Variants in ABLIM2 observed in about 807,000 individuals in gnomAD.
ABLIM2 encodes the protein actin-binding LIM protein 2.
ABLIM2 carries 53 observed loss-of-function variants against 97.7 expected under a neutral mutation model. The observed-to-expected ratio is 0.54, with a 90% CI of 0.44 to 0.68. The LOEUF (loss-of-function observed/expected upper bound fraction) is 0.68. Ranked by LOEUF, ABLIM2 falls within the 30% of genes least tolerant of loss-of-function variation. The pLI is 0.00. For synonymous variants in ABLIM2, 361 were observed against 345.8 expected (o/e 1.04, Z -0.49); for missense variants, 835 against 867.2 (o/e 0.96, Z 0.47).
At chr4:7,976,778 CAT>C (rs940465928) in intron 20 of ABLIM2, among the ~76,000 whole-genome samples, 1 of 152,072 alleles carries the variant, frequency 6.6e-6, no homozygotes, top group African/African-American at 2.4e-5. Flanking sequence ...CACATATACA[CAT>C]ACACACAAGT....
At chr4:8,063,096 C>T (rs564145071) in intron 6 of ABLIM2, among the ~76,000 whole-genome samples, 18 of 152,284 alleles carry the variant, frequency 1.2e-4, no homozygotes, top group South Asian at 2.1e-4. Flanking sequence ...GACAGAGTCT[C>T]GCTCTGTTGC....
chr4:8,025,676 G>A (rs6833644), intron 12 of ABLIM2, among the ~76,000 whole-genome samples: 27,238 of 152,130 alleles, frequency 0.18, 2,553 homozygotes, highest in East Asian at 0.3. Context: ...CTGGCTCTAG[G>A]ACCCACAGAG....
At position 8,067,884 on chromosome 4, in the gene ABLIM2, G is replaced by A. The variant is rs1254565087; in HGVS notation, c.676-6830C>T. The stretch of plus-strand genomic sequence containing the variant: ...CCTCTCAGGCTGGGGTAGTATAACC[G>A]GGCTCTGTGATTCCAGAGGACATTT... On this transcript the variant is annotated intron_variant, in intron 6 of 20. Coordinates refer to ENST00000447017, the MANE Select transcript of ABLIM2 (RefSeq NM_001130083.2). This position sits in a 1 kb window ranked among gnomAD's most constrained non-coding sequence, Gnocchi z 5.4. Among the ~76,000 whole-genome samples, 1 of 152,176 alleles carries A rather than the reference G, an allele frequency of 6.6e-6. No homozygotes were observed. The highest frequency in any genetic ancestry group is 1.5e-5 in the Non-Finnish European group (1 of 68,022).
At chr4:7,974,583 C>T (rs1203397540) in intron 20 of ABLIM2, among the ~76,000 whole-genome samples, 1 of 2,656 alleles carries the variant, frequency 3.8e-4, no homozygotes, top group Admixed American at 3.4e-3. Context: ...ATCCACCAAT[C>T]CATCCATCCA....
intron 1 of ABLIM2, among the ~76,000 whole-genome samples, chr4:8,156,852 C>G (rs1053102851): frequency 3.3e-5 from 5 of 152,246 alleles, no homozygotes; most frequent in African/African-American, 9.6e-5. Flanking sequence ...TGCTCTCCCC[C>G]ACTGTGTGGG....
Position 8,149,321 on chromosome 4 carries a change from A to G in ABLIM2, c.10+9359T>C, listed in dbSNP as rs1309181647. Among the ~76,000 whole-genome samples the G allele has an allele frequency of 6.6e-6, 1 of 152,128 alleles. No individual in the cohort carries two copies. Among genetic ancestry groups the G allele is most frequent in the African/African-American group, 2.4e-5 (1 of 41,436 alleles). Reference sequence around the variant, plus strand: ...AACAGTCATTTTGCCGCATGAGGTCACATAGTCACAGGGCCTGGGATTAGG... The same window carrying G: ...AACAGTCATTTTGCCGCATGAGGTCGCATAGTCACAGGGCCTGGGATTAGG... On this transcript the variant is annotated intron_variant, in intron 1 of 20. Coordinates refer to ENST00000447017, the MANE Select transcript of ABLIM2 (RefSeq NM_001130083.2). The surrounding 1 kb of genome is among the most constrained non-coding windows in gnomAD (Gnocchi z 6.4).
At chr4:8,062,346 G>A (rs530025222) in intron 6 of ABLIM2, among the ~76,000 whole-genome samples, 11 of 152,320 alleles carry the variant, frequency 7.2e-5, no homozygotes, top group African/African-American at 2.4e-4. Context: ...CTGGATAGCA[G>A]GTCACACCAC....
Position 8,120,726 on chromosome 4 carries a change from C to T in ABLIM2, c.11-14089G>A, listed in dbSNP as rs1301352779. On this transcript the variant is annotated intron_variant, in intron 1 of 20. Transcript: ENST00000447017. This position sits in a 1 kb window ranked among gnomAD's most constrained non-coding sequence, Gnocchi z 5.6. ...CAGTGCAGGTCCGTCCTGATGAACC[C>T]GGGGCAAGCTCGTGACATCACTAAG... Among the ~76,000 whole-genome samples the T allele has an allele frequency of 3.3e-5, 5 of 152,174 alleles. No individual in the cohort carries two copies. The highest frequency in any genetic ancestry group is 7.2e-5 in the African/African-American group (3 of 41,448).
chr4:7,986,345 C>T lies in ABLIM2; in HGVS notation c.1681-1452G>A, dbSNP rs1026524980. On this transcript the variant is annotated intron_variant, in intron 17 of 20. Coordinates refer to ENST00000447017, the MANE Select transcript of ABLIM2 (RefSeq NM_001130083.2). This position sits in a 1 kb window ranked among gnomAD's most constrained non-coding sequence, Gnocchi z 4.3. ...CGAGTCCAAAGCCCTTTATCTGAAA[C>T]AGGAAAACCGAGGCCCCGAGGGAAG... 2.6e-5 allele frequency among the ~76,000 whole-genome samples: 4 copies of T among 152,298 alleles called. No individual in the cohort carries two copies. In the East Asian group the frequency reaches 7.7e-4, roughly 29 times the overall value.
intron 1 of ABLIM2, among the ~76,000 whole-genome samples, chr4:8,117,886 G>A (rs1843496890): frequency 1.3e-5 from 2 of 152,214 alleles, no homozygotes; most frequent in African/African-American, 2.4e-5. Context: ...GAGATGATGG[G>A]TTGTCCCCAC....
At chr4:7,974,049 C>G (rs1168716409) in intron 20 of ABLIM2, among the ~76,000 whole-genome samples, 1 of 152,224 alleles carries the variant, frequency 6.6e-6, no homozygotes, top group Non-Finnish European at 1.5e-5. Context: ...AATATCAACT[C>G]CTGCCTGAGT....
intron 14 of ABLIM2, among the ~76,000 whole-genome samples, chr4:8,013,927 C>T (rs561156845): frequency 6.0e-4 from 92 of 152,308 alleles, no homozygotes; most frequent in African/African-American, 2.2e-3. Flanking sequence ...AAGAGAGGGC[C>T]CTACCAGCTC....
intron 20 of ABLIM2, among the ~76,000 whole-genome samples, chr4:7,969,280 T>C (rs1399790029): frequency 6.6e-6 from 1 of 151,960 alleles, no homozygotes; most frequent in Non-Finnish European, 1.5e-5. Context: ...ATGGTGAGAC[T>C]CCATCTCTAC....
chr4:8,004,437 T>G lies in ABLIM2; in HGVS notation c.1618+3622A>C, dbSNP rs145326959. 6.6e-6 allele frequency among the ~76,000 whole-genome samples: 1 copy of G among 152,134 alleles called. No individual in the cohort carries two copies. ...CACCTCTCACACATGCCTCATGTGCTGGGATTGGAGGAAAGGGTCTTATTC... is the reference window on the plus strand; with the variant it reads ...CACCTCTCACACATGCCTCATGTGCGGGGATTGGAGGAAAGGGTCTTATTC... On this transcript the variant is annotated intron_variant, in intron 16 of 20. Transcript: ENST00000447017. The surrounding 1 kb of genome is among the most constrained non-coding windows in gnomAD (Gnocchi z 5.9).
chr4:8,056,931 CAAAAAAA>C (rs10584281), intron 7 of ABLIM2, among the ~76,000 whole-genome samples: 46 of 43,126 alleles, frequency 1.1e-3, no homozygotes, highest in African/African-American at 4.6e-3. Context: ...AACTCCGTCT[CAAAAAAA>C]AAAAAAAAAA....
In ABLIM2 at chr4:8,149,624, C is replaced by T. The variant is rs569069666; in HGVS notation, c.10+9056G>A. 1.1e-4 allele frequency among the ~76,000 whole-genome samples: 16 copies of T among 151,804 alleles called. No homozygotes were observed. The highest frequency in any genetic ancestry group is 4.2e-4 in the South Asian group (2 of 4,792). On this transcript the variant is annotated intron_variant, in intron 1 of 20. Transcript: ENST00000447017. This position sits in a 1 kb window ranked among gnomAD's most constrained non-coding sequence, Gnocchi z 6.4. The stretch of plus-strand genomic sequence containing the variant: ...CAGGGGAGCGGGGGCAGGCAGAAGG[C>T]GGCAGGAAGAATGCAAGGCTGTTGG...
Position 8,066,432 on chromosome 4 carries a change from A to G in ABLIM2, c.676-5378T>C, listed in dbSNP as rs182559197. 621 of 135,516 alleles carry G rather than the reference A, an allele frequency of 4.6e-3. 8 individuals carry two copies. Among genetic ancestry groups the G allele is most frequent in the African/African-American group, 0.016 (590 of 36,438 alleles). The allele number at this position is 135,516 out of a possible 1,614,324, so 8.4% of individuals were successfully genotyped here. A position where few individuals can be genotyped will look rare whatever the true frequency, so the allele number is the denominator to read the frequency against. On this transcript the variant is annotated intron_variant, in intron 6 of 20. Coordinates refer to ENST00000447017, the MANE Select transcript of ABLIM2 (RefSeq NM_001130083.2). ...AAGGAAGGAAGGAAGGAAGGAAGGG[A>G]GGGGTGGTTCCACATAAAAACCTGT... is the stretch of plus-strand genomic sequence containing the variant.
intron 1 of ABLIM2, among the ~76,000 whole-genome samples, chr4:8,108,353 G>A (rs1285353109): frequency 1.3e-5 from 2 of 152,210 alleles, no homozygotes; most frequent in South Asian, 2.1e-4. Flanking sequence ...AGTTCACCCC[G>A]AATGATCTCA....
At position 8,130,669 on chromosome 4, in the gene ABLIM2, G is replaced by T. The variant is rs555009915; in HGVS notation, c.11-24032C>A. 2.6e-4 allele frequency among the ~76,000 whole-genome samples: 40 copies of T among 152,290 alleles called. No homozygotes were observed. The highest frequency in any genetic ancestry group is 9.6e-4 in the African/African-American group (40 of 41,562). ...GACCTGGCCTGGAGGGAGCAGAGGG[G>T]CTTCCTGGAGGAGGGGGTATCAAAG... On this transcript the variant is annotated intron_variant, in intron 1 of 20. Transcript: ENST00000447017. The surrounding 1 kb of genome is among the most constrained non-coding windows in gnomAD (Gnocchi z 4.2).
Sources: gnomAD v4.1 joint callset for allele counts (sites outside exome capture counted in the v4.1 genomes callset) on GRCh38, gnomAD v4.1.1 for gene constraint, Gnocchi (gnomAD v3.1) non-coding constraint, MANE v1.5 for transcripts, NCBI Gene and HGNC (gene_info 2026-07-23, HGNC 2026-07-21) for gene names.